Variants in FLNC observed in about 807,000 individuals in gnomAD.
FLNC encodes filamin-C.
FLNC carries 91 observed loss-of-function variants against 254.3 expected under a neutral mutation model. The ratio of observed to expected loss-of-function variants is 0.36; its 90% CI spans 0.30 to 0.43. FLNC has a LOEUF of 0.43. FLNC is among the 20% of genes least tolerant of loss of function. FLNC has a pLI of 1.00. For missense variants in FLNC, 2,853 were observed against 3,802.6 expected, an observed-to-expected ratio of 0.75 and a Z score of 6.57; for synonymous variants, 1,430 against 1,577.2, an observed-to-expected ratio of 0.91 and a Z score of 2.21.
intron 21 of FLNC, among the ~76,000 whole-genome samples, chr7:128,845,781 G>A (rs1216505685): frequency 6.6e-6 from 1 of 150,594 alleles, no homozygotes; most frequent in Non-Finnish European, 1.5e-5. Flanking sequence ...GCTCACAGAG[G>A]TGCAGGGGAG....
intron 38 of FLNC, 36 bp from the exon 39 acceptor site, chr7:128,853,679 C>A: frequency 6.2e-7 from 1 of 1,613,952 alleles, no homozygotes; most frequent in Non-Finnish European, 8.5e-7. Flanking sequence ...GGCTGGGGCT[C>A]TGAGGTTCCT....
In FLNC at chr7:128,850,923, A is replaced by G; in HGVS notation, c.5519A>G (p.Tyr1840Cys). 3 of 1,611,984 alleles carry G rather than the reference A, an allele frequency of 1.9e-6. No homozygotes were observed. The highest frequency in any genetic ancestry group is 2.5e-6 in the Non-Finnish European group (3 of 1,178,776). The part of the protein sequence containing the change: ...EKGLHQMGIK[Y>C]DGNHIPGSPL... ...GGCCTGCACCAGATGGGGATCAAGT[A>G]TGACGGCAACCACATCCCTGGTGAG... The change falls in exon 33 of 48, where the codon TAT (tyrosine) becomes TGT (cysteine). Residue 1840 changes from tyrosine to cysteine, a missense_variant. Physicochemically the swap from Tyr to Cys is radical, Grantham distance 194. This residue lies in a region of FLNC where 258 missense variants were observed against 312.3 expected (regional missense o/e 0.83). Coordinates refer to ENST00000325888, the MANE Select transcript of FLNC (RefSeq NM_001458.5).
intron 23 of FLNC, 120 bp from the exon 24 acceptor site, chr7:128,846,625 G>C (rs1048173064): frequency 3.0e-6 from 4 of 1,351,092 alleles, no homozygotes; most frequent in Non-Finnish European, 4.1e-6. Flanking sequence ...CCTGTAGCTC[G>C]TTTCTCCTCA....
chr7:128,857,851 C>T lies in FLNC; in HGVS notation c.7781-157C>T, dbSNP rs1327878340. 1.3e-5 allele frequency among the ~76,000 whole-genome samples: 2 copies of T among 152,110 alleles called. No homozygotes were observed. Among genetic ancestry groups the T allele is most frequent in the African/African-American group, 4.8e-5 (2 of 41,358 alleles). ...CTCAGGGCCCTGGCTGGGAATGAGG[C>T]TGTGCTCCTAGAGTGGCCCTTGGAG... On this transcript the variant is annotated intron_variant, in intron 46 of 47. Transcript: ENST00000325888. This position sits in a 1 kb window ranked among gnomAD's most constrained non-coding sequence, Gnocchi z 4.5.
At chr7:128,845,618 G>A (rs1173226330) in intron 21 of FLNC, among the ~76,000 whole-genome samples, 2 of 152,156 alleles carry the variant, frequency 1.3e-5, no homozygotes, top group East Asian at 1.9e-4. Flanking sequence ...TCAGAAGACA[G>A]TAAGTGGGAA....
chr7:128,841,100 A>G lies in FLNC; in HGVS notation c.1814-70A>G. ...AGGGAGATAGGACATGAGGGCAGCTAGAGGGGAGCTGGGGGACGGAAGGGT... is the reference window on the plus strand; with the variant it reads ...AGGGAGATAGGACATGAGGGCAGCTGGAGGGGAGCTGGGGGACGGAAGGGT... On this transcript the variant is annotated intron_variant, in intron 11 of 47. Coordinates refer to ENST00000325888, the MANE Select transcript of FLNC (RefSeq NM_001458.5). The surrounding 1 kb of genome is among the most constrained non-coding windows in gnomAD (Gnocchi z 4.3). The G allele has an allele frequency of 6.3e-7, 1 of 1,586,944 alleles. No individual in the cohort carries two copies. Among genetic ancestry groups the G allele is most frequent in the Non-Finnish European group, 8.6e-7 (1 of 1,160,020 alleles).
Position 128,853,698 on chromosome 7 carries a change from C to CT in FLNC, c.6362-14dup, listed in dbSNP as rs1808923276. 1 of 1,613,972 alleles carries CT rather than the reference C, an allele frequency of 6.2e-7. No homozygotes were observed. The highest frequency in any genetic ancestry group is 1.3e-5 in the African/African-American group (1 of 75,072). ...GGGGCTCTGAGGTTCCTGACCCACC[C>CT]TTTGTCCCCACTTCAGGAAGCCCCT... On this transcript the variant is annotated splice_polypyrimidine_tract_variant and intron_variant, in intron 38 of 47. Coordinates refer to ENST00000325888, the MANE Select transcript of FLNC (RefSeq NM_001458.5).
rs1202331272 is a variant in FLNC, at chr7:128,846,887, G to A, written c.4270G>A (p.Gly1424Arg). The change falls in exon 24 of 48, where the codon GGG (glycine) becomes AGG (arginine). Residue 1424 changes from glycine (G) to arginine (R), a missense_variant. Gly to Arg is a moderately radical substitution (Grantham distance 125, BLOSUM62 -2). This residue lies in a region of FLNC where 1,573 missense variants were observed against 1,883.5 expected (regional missense o/e 0.84). Coordinates refer to ENST00000325888, the MANE Select transcript of FLNC (RefSeq NM_001458.5). ...AGACTATGACGTCAACATCACCTTC[G>A]GGGGGCGGCCCATCCCAGGTGTGCA... ...PGDYDVNITF[G>R]GRPIPGSPFR... The A allele has an allele frequency of 1.1e-5, 17 of 1,614,070 alleles. No homozygotes were observed. The highest frequency in any genetic ancestry group is 4.0e-5 in the African/African-American group (3 of 74,930).
Position 128,850,951 on chromosome 7 carries a change from A to AGGGGCTGGGC in FLNC, c.5539+9_5539+18dup. ...ACGGCAACCACATCCCTGGTGAGTTAGGGGCTGGGCTGGGCTGGGGCTTGG... is the reference window on the plus strand; with the variant it reads ...ACGGCAACCACATCCCTGGTGAGTTAGGGGCTGGGCGGGGCTGGGCTGGGCTGGGGCTTGG... On this transcript the variant is annotated intron_variant, in intron 33 of 47. Coordinates refer to ENST00000325888, the MANE Select transcript of FLNC (RefSeq NM_001458.5). The AGGGGCTGGGC allele has an allele frequency of 1.4e-6, 2 of 1,417,938 alleles. No individual in the cohort carries two copies. Among genetic ancestry groups the AGGGGCTGGGC allele is most frequent in the Non-Finnish European group, 2.0e-6 (2 of 1,020,158 alleles). 87.8% of individuals were successfully genotyped at this position (1,417,938 alleles called of 1,614,324 possible).
At position 128,858,636 on chromosome 7, in the gene FLNC, T is replaced by C. The variant is rs1362449241; in HGVS notation, c.*113T>C. The C allele has an allele frequency of 2.4e-6, 2 of 823,490 alleles. No homozygotes were observed. Among genetic ancestry groups the C allele is most frequent in the Admixed American group, 4.1e-5 (2 of 48,548 alleles). 51.0% of individuals were successfully genotyped at this position (823,490 alleles called of 1,614,324 possible). On this transcript the variant is annotated 3_prime_UTR_variant, in exon 48 of 48. Transcript: ENST00000325888. The surrounding 1 kb of genome is among the most constrained non-coding windows in gnomAD (Gnocchi z 6.7). The stretch of plus-strand genomic sequence containing the variant: ...CCCAGACACGCACAGAATCAGACAC[T>C]ACAAACACCTGCCTTGGGGGTGAAG...
At position 128,846,238 on chromosome 7, in the gene FLNC, C is replaced by T. The variant is rs990620167; in HGVS notation, c.3965-63C>T. The T allele has an allele frequency of 7.7e-5, 120 of 1,553,868 alleles. No homozygotes were observed. In the African/African-American group the frequency reaches 1.3e-3, roughly 17 times the overall value. On this transcript the variant is annotated intron_variant, in intron 22 of 47. Transcript: ENST00000325888. ...GGCCGGGATCTGATGATATTGCCCT[C>T]GGGGCAGGAGGGGTGGTGGGGGCGC...
rs781538211 is a variant in FLNC at position 128,843,582 on chromosome 7, G to A, written c.2811+5G>A. The A allele has an allele frequency of 9.9e-6, 16 of 1,613,452 alleles. No individual in the cohort carries two copies. In the Admixed American group the frequency reaches 1.7e-4, roughly 17 times the overall value. Reference sequence around the variant, plus strand: ...AAGTACACCGCTGTCCAGCAGGTGCGCTCTGCCCCTCCCATGCTACCGCCC... The same window carrying A: ...AAGTACACCGCTGTCCAGCAGGTGCACTCTGCCCCTCCCATGCTACCGCCC... On this transcript the variant is annotated splice_donor_5th_base_variant and intron_variant, in intron 18 of 47. Transcript: ENST00000325888.
chr7:128,843,180 A>C lies in FLNC; in HGVS notation c.2551-49A>C, dbSNP rs760822655. 8.0e-6 allele frequency: 12 copies of C among 1,508,758 alleles called. No individual in the cohort carries two copies. In the East Asian group the frequency reaches 2.2e-4, roughly 27 times the overall value. 93.5% of individuals were successfully genotyped at this position (1,508,758 alleles called of 1,614,324 possible). ...CCTGAGCCAGCATCTAGCTGAGAGC[A>C]GGGGTGTGTTCCCCTCGAGAGCCCT... On this transcript the variant is annotated intron_variant, in intron 16 of 47. Transcript: ENST00000325888.
At position 128,846,770 on chromosome 7, in the gene FLNC, C is replaced by T. The variant is rs202125701; in HGVS notation, c.4153C>T (p.Leu1385=). The change falls in exon 24 of 48, where the codon CTA becomes TTA. Residue 1385 remains leucine (L), a synonymous_variant. Coordinates refer to ENST00000325888, the MANE Select transcript of FLNC (RefSeq NM_001458.5). Reference sequence around the variant, plus strand: ...GGGAGCGGGCACCGGGGGCCTTGGCCTAGCCATCGAGGGTCCCTCGGAAGC... The same window carrying T: ...GGGAGCGGGCACCGGGGGCCTTGGCTTAGCCATCGAGGGTCCCTCGGAAGC... ...TRGAGTGGLG[L]AIEGPSEAKM... The T allele has an allele frequency of 1.6e-4, 263 of 1,614,004 alleles. No homozygotes were observed. The highest frequency in any genetic ancestry group is 2.1e-4 in the Non-Finnish European group (242 of 1,180,006).
In FLNC at chr7:128,857,324, G is replaced by C. The variant is rs1354641654; in HGVS notation, c.7768G>C (p.Ala2590Pro). The C allele has an allele frequency of 6.2e-7, 1 of 1,612,716 alleles. No homozygotes were observed. The highest frequency in any genetic ancestry group is 1.3e-5 in the African/African-American group (1 of 74,848). ...PQHIVGSPFK[A>P]KVTGPRLSGG... Reference sequence around the variant, plus strand: ...GCACATCGTGGGCAGCCCCTTCAAGGCCAAGGTCACTGGTGAGTGCCAGTT... The same window carrying C: ...GCACATCGTGGGCAGCCCCTTCAAGCCCAAGGTCACTGGTGAGTGCCAGTT... Residue 2590 changes from alanine (A) to proline (P), a missense_variant, in exon 46 of 48, where the codon GCC becomes CCC. Coordinates refer to ENST00000325888, the MANE Select transcript of FLNC (RefSeq NM_001458.5). This position sits in a 1 kb window ranked among gnomAD's most constrained non-coding sequence, Gnocchi z 4.5.
chr7:128,852,540 GC>G (rs1808862687), intron 35 of FLNC, 50 bp from the exon 36 acceptor site: 1 of 1,604,720 alleles, frequency 6.2e-7, no homozygotes, highest in African/African-American at 1.3e-5. Context: ...CCCTGTGAGG[GC>G]AGGGCCTGCC....
At chr7:128,833,939 A>G (rs1029441490) in intron 1 of FLNC, among the ~76,000 whole-genome samples, 1 of 152,202 alleles carries the variant, frequency 6.6e-6, no homozygotes, top group South Asian at 2.1e-4. Flanking sequence ...CCAGGCGGCC[A>G]GAGCCCCAGC....
Position 128,835,200 on chromosome 7 carries a change from G to C in FLNC, c.353-126G>C, listed in dbSNP as rs1808047561. ...GGGCCTCGCAGGAGGGAGAGGGTCA[G>C]GTAGGCAGAGACTAGAGGCCTGACC... On this transcript the variant is annotated intron_variant, in intron 1 of 47. Coordinates refer to ENST00000325888, the MANE Select transcript of FLNC (RefSeq NM_001458.5). This position sits in a 1 kb window ranked among gnomAD's most constrained non-coding sequence, Gnocchi z 5.3. The C allele has an allele frequency of 7.8e-7, 1 of 1,288,564 alleles. No homozygotes were observed. The highest frequency in any genetic ancestry group is 1.5e-5 in the African/African-American group (1 of 68,824). The allele number at this position is 1,288,564 out of a possible 1,614,324, so 79.8% of individuals were successfully genotyped here.
Position 128,854,074 on chromosome 7 carries a change from G to A in FLNC, c.6585G>A (p.Lys2195=). The A allele has an allele frequency of 6.2e-7, 1 of 1,613,234 alleles. No individual in the cohort carries two copies. Among genetic ancestry groups the A allele is most frequent in the Non-Finnish European group, 8.5e-7 (1 of 1,179,994 alleles). ...GCACGGAGCGCACGGAGATCAGCAA[G>A]ACGCGGGGCGGGGAGACAAAGCGCG... ...YTRTERTEIS[K]TRGGETKREV... The change falls in exon 40 of 48, where the codon AAG becomes AAA. Residue 2195 remains lysine, a synonymous_variant. Transcript: ENST00000325888.
Sources: gnomAD v4.1 joint callset for allele counts (sites outside exome capture counted in the v4.1 genomes callset) on GRCh38, gnomAD v4.1.1 for gene constraint, gnomAD v4.1.1 regional missense constraint, Gnocchi (gnomAD v3.1) non-coding constraint, MANE v1.5 for transcripts, NCBI Gene and HGNC (gene_info 2026-07-23, HGNC 2026-07-21) for gene names.